The following EVI5 variants were observed in gnomAD, a reference collection of about 807,000 sequenced individuals.
The protein encoded by EVI5 is ecotropic viral integration site 5 protein homolog.
In EVI5, 73 loss-of-function variants were observed where a neutral mutation model predicts 112.0. The observed-to-expected ratio is 0.65, with a 90% CI of 0.54 to 0.79. The LOEUF (loss-of-function observed/expected upper bound fraction) is 0.79. EVI5 is among the 30% of genes least tolerant of loss of function. The pLI is 0.00. For synonymous variants in EVI5, 305 were observed against 319.9 expected (o/e 0.95, Z 0.50); for missense variants, 900 against 968.8 (o/e 0.93, Z 0.94).
At chr1:92,528,557 T>C (rs2101818941) in intron 19 of EVI5, among the ~76,000 whole-genome samples, 1 of 152,276 alleles carries the variant, frequency 6.6e-6, no homozygotes, top group East Asian at 1.9e-4. Flanking sequence ...ATAACTCAAA[T>C]GTTTACAATA....
intron 14 of EVI5, among the ~76,000 whole-genome samples, chr1:92,629,372 G>C (rs184809171): frequency 1.3e-5 from 2 of 152,132 alleles, no homozygotes; most frequent in African/African-American, 4.8e-5. Context: ...TATTACCTAA[G>C]AGTAAAAAGG....
chr1:92,521,411 C>T (rs1332343134), intron 19 of EVI5, among the ~76,000 whole-genome samples: 1 of 152,178 alleles, frequency 6.6e-6, no homozygotes, highest in Non-Finnish European at 1.5e-5. Flanking sequence ...AGACTAACAG[C>T]TGGGTGTTGT....
intron 16 of EVI5, among the ~76,000 whole-genome samples, chr1:92,613,978 A>G (rs546105246): frequency 6.6e-6 from 1 of 152,356 alleles, no homozygotes; most frequent in Non-Finnish European, 1.5e-5. Context: ...ACTGCTGAAG[A>G]CAGACCCTTT....
chr1:92,753,140 A>T (rs1258031715), intron 1 of EVI5, among the ~76,000 whole-genome samples: 1 of 151,958 alleles, frequency 6.6e-6, no homozygotes, highest in African/African-American at 2.4e-5. Flanking sequence ...AGGCAAAAAA[A>T]AAAAAAGAAG....
chr1:92,605,500 T>C (rs183621568), intron 17 of EVI5, 98 bp from the exon 18 acceptor site: 2 of 767,702 alleles, frequency 2.6e-6, no homozygotes, highest in East Asian at 2.4e-5. Flanking sequence ...CGTTAAGTAT[T>C]ATCTAGCAGG....
intron 2 of EVI5, among the ~76,000 whole-genome samples, chr1:92,725,900 A>T (rs1186028233): frequency 6.6e-6 from 1 of 152,202 alleles, no homozygotes; most frequent in Non-Finnish European, 1.5e-5. Flanking sequence ...ATAGAGACAT[A>T]TTAAAAAACA....
intron 11 of EVI5, among the ~76,000 whole-genome samples, chr1:92,664,632 T>C (rs1664575679): frequency 6.6e-6 from 1 of 152,158 alleles, no homozygotes; most frequent in African/African-American, 2.4e-5. Flanking sequence ...ATAGCAACCC[T>C]AACATGATGA....
intron 10 of EVI5, among the ~76,000 whole-genome samples, chr1:92,674,536 G>A (rs150826653): frequency 4.5e-4 from 68 of 152,212 alleles, no homozygotes; most frequent in Middle Eastern, 3.4e-3. Flanking sequence ...GGGCCTGTCA[G>A]GGGGTGGAGG....
chr1:92,757,277 G>T (rs546972616), intron 1 of EVI5, among the ~76,000 whole-genome samples: 3 of 152,166 alleles, frequency 2.0e-5, no homozygotes, highest in Non-Finnish European at 2.9e-5. Context: ...CCAATTTGCC[G>T]TTTTGAGATT....
intron 1 of EVI5, among the ~76,000 whole-genome samples, chr1:92,739,028 T>C (rs926912727): frequency 4.6e-5 from 7 of 152,068 alleles, no homozygotes; most frequent in African/African-American, 7.2e-5. Context: ...TCCCAACACT[T>C]TGGGAGGCCA....
At chr1:92,603,892 C>A (rs914554278) in intron 18 of EVI5, among the ~76,000 whole-genome samples, 3 of 151,908 alleles carry the variant, frequency 2.0e-5, no homozygotes, top group Non-Finnish European at 4.4e-5. Context: ...ACCACCAGGT[C>A]CAACTAATTT....
chr1:92,605,458 T>G, intron 17 of EVI5, 56 bp from the exon 18 acceptor site: 1 of 1,220,438 alleles, frequency 8.2e-7, no homozygotes, highest in Non-Finnish European at 1.2e-6. Context: ...GGAATTCAGA[T>G]TTTAGAAAAG....
intron 1 of EVI5, among the ~76,000 whole-genome samples, chr1:92,769,250 T>C (rs1450540243): frequency 1.3e-5 from 2 of 152,214 alleles, no homozygotes; most frequent in Non-Finnish European, 2.9e-5. Flanking sequence ...CCAAGTACTC[T>C]GTAATCTCAC....
chr1:92,768,015 G>C (rs1193606693), intron 1 of EVI5, among the ~76,000 whole-genome samples: 2 of 150,520 alleles, frequency 1.3e-5, no homozygotes, highest in Non-Finnish European at 2.9e-5. Context: ...CGGAGGCGGA[G>C]GTTGCAGTGA....
At chr1:92,554,338 G>C (rs925488724) in intron 19 of EVI5, among the ~76,000 whole-genome samples, 3 of 152,200 alleles carry the variant, frequency 2.0e-5, no homozygotes, top group Non-Finnish European at 4.4e-5. Flanking sequence ...TGGTAGGGCA[G>C]TGGGATGCAG....
At chr1:92,667,129 A>G (rs897077490) in intron 10 of EVI5, among the ~76,000 whole-genome samples, 1 of 152,174 alleles carries the variant, frequency 6.6e-6, no homozygotes, top group Non-Finnish European at 1.5e-5. Flanking sequence ...TACAAAAAAT[A>G]TAAAAATTAG....
At chr1:92,595,203 G>A (rs1647391053) in intron 18 of EVI5, among the ~76,000 whole-genome samples, 1 of 151,824 alleles carries the variant, frequency 6.6e-6, no homozygotes, top group Non-Finnish European at 1.5e-5. Context: ...AAGAAAATGT[G>A]GCACATATAT....
intron 2 of EVI5, among the ~76,000 whole-genome samples, chr1:92,723,382 G>T (rs577051323): frequency 9.2e-5 from 14 of 152,318 alleles, no homozygotes; most frequent in African/African-American, 3.1e-4. Context: ...TGGAGCCAAG[G>T]CAGAAGAAGA....
At chr1:92,612,907 G>A (rs905258879) in intron 16 of EVI5, among the ~76,000 whole-genome samples, 2 of 152,076 alleles carry the variant, frequency 1.3e-5, no homozygotes, top group African/African-American at 2.4e-5. Flanking sequence ...GTGTGAAGGC[G>A]CAGGAGGCAG....
Sources: gnomAD v4.1 joint callset for allele counts (sites outside exome capture counted in the v4.1 genomes callset) on GRCh38, gnomAD v4.1.1 for gene constraint, MANE v1.5 for transcripts, NCBI Gene and HGNC (gene_info 2026-07-23, HGNC 2026-07-21) for gene names.